The following TRIML2 variants were observed in gnomAD, a reference collection of about 807,000 sequenced individuals.
TRIML2 encodes probable E3 ubiquitin-protein ligase TRIML2.
A neutral mutation model predicts 31.2 loss-of-function variants in TRIML2; 28 were observed. The observed-to-expected ratio is 0.90, with a 90% confidence interval of 0.66 to 1.23. The LOEUF is 1.23. Among genes scored for constraint, TRIML2 ranks in the 50% most tolerant of loss-of-function variants. The pLI is 0.00. For synonymous variants in TRIML2, 187 were observed against 197.5 expected, an observed-to-expected ratio of 0.95 and a Z score of 0.45; for missense variants, 536 against 528.3, an observed-to-expected ratio of 1.01 and a Z score of -0.14.
intron 7 of TRIML2, among the ~76,000 whole-genome samples, chr4:188,095,413 T>C (rs574223605): frequency 6.6e-6 from 1 of 152,210 alleles, no homozygotes; most frequent in Admixed American, 6.5e-5. Flanking sequence ...ATAAAGAAAT[T>C]ATAAAACTCA....
At chr4:188,109,099 A>G (rs1560958644) in intron 1 of TRIML2, 144 bp downstream of exon 1, 1 of 151,922 alleles carries the variant, frequency 6.6e-6, no homozygotes, top group African/African-American at 2.4e-5. Context: ...GTCTACCCTT[A>G]TTTTGTTTTT....
At chr4:188,102,141 A>AG (rs1733824859) in intron 3 of TRIML2, among the ~76,000 whole-genome samples, 1 of 151,486 alleles carries the variant, frequency 6.6e-6, no homozygotes, top group African/African-American at 2.4e-5. Flanking sequence ...AAAAAAAAAA[A>AG]AAAAAAAAGA....
rs774942562 is a variant in TRIML2, at chr4:188,101,223, T to C, written c.313A>G (p.Ile105Val). The C allele has an allele frequency of 6.2e-7, 1 of 1,611,726 alleles. No homozygotes were observed. The highest frequency in any genetic ancestry group is 8.5e-7 in the Non-Finnish European group (1 of 1,179,560). Residue 105 changes from isoleucine (I) to valine (V), a missense_variant, in exon 4 of 8, where the codon ATT becomes GTT. Transcript: ENST00000682553. ...AGTCTCATACTATACTCAGACTCAATCATCTTTTTAAAATTTTGTTCCTCT... is the reference window on the plus strand; with the variant it reads ...AGTCTCATACTATACTCAGACTCAACCATCTTTTTAAAATTTTGTTCCTCT... Reference protein sequence around the residue: ...QEEEQNFKKMIESEYSMRLRL... With the variant: ...QEEEQNFKKMVESEYSMRLRL...
rs766720633 is a variant in TRIML2 at position 188,091,682 on chromosome 4, G to A, written c.1005C>T (p.Ser335=). The A allele has an allele frequency of 2.2e-5, 35 of 1,612,920 alleles. No individual in the cohort carries two copies. The highest frequency in any genetic ancestry group is 3.3e-4 in the Middle Eastern group (2 of 6,082). Residue 335 remains serine, a synonymous_variant, in exon 8 of 8, where the codon TCC becomes TCT. Coordinates refer to ENST00000682553, the MANE Select transcript of TRIML2 (RefSeq NM_173553.4). The part of the protein sequence containing the change: ...ADAKGSTARA[S]GEKVLLTGSV... ...ACCCCGTGAGCAAGACTTTCTCTCC[G>A]GAAGCTCTGGCCGTGCTGCCCTTCG...
Position 188,105,181 on chromosome 4 carries a change from C to T in TRIML2, c.188G>A (p.Arg63Lys). Residue 63 changes from arginine (R) to lysine (K), a missense_variant and splice_region_variant, in exon 2 of 8, where the codon AGG (arginine) becomes AAG (lysine). By Grantham distance (26) the Arg-to-Lys change is conservative (BLOSUM62 2). Coordinates refer to ENST00000682553, the MANE Select transcript of TRIML2 (RefSeq NM_173553.4). Reference protein sequence around the residue: ...CGIQEAAENYRKLFQEILNTS... With the variant: ...CGIQEAAENYKKLFQEILNTS... ...GGGATTTGCGTGAGTGACTCTTACCCTGTAATTCTCAGCAGCCTCTTGTAT... is the reference window on the plus strand; with the variant it reads ...GGGATTTGCGTGAGTGACTCTTACCTTGTAATTCTCAGCAGCCTCTTGTAT... 2 of 1,596,070 alleles carry T rather than the reference C, an allele frequency of 1.3e-6. No homozygotes were observed. Among genetic ancestry groups the T allele is most frequent in the African/African-American group, 2.7e-5 (2 of 74,764 alleles).
chr4:188,097,293 T>C, intron 6 of TRIML2, 31 bp downstream of exon 6: 1 of 1,612,910 alleles, frequency 6.2e-7, no homozygotes, highest in Non-Finnish European at 8.5e-7. Context: ...ACTCTGATTC[T>C]CACCCAATTG....
intron 5 of TRIML2, among the ~76,000 whole-genome samples, chr4:188,097,924 C>T (rs1381844909): frequency 2.0e-5 from 3 of 152,062 alleles, no homozygotes; most frequent in South Asian, 2.1e-4. Flanking sequence ...GAGTTTAAGA[C>T]CAGACTGACC....
At chr4:188,101,386 T>C (rs1161133660) in intron 3 of TRIML2, 136 bp from the exon 4 acceptor site, 2 of 486,390 alleles carry the variant, frequency 4.1e-6, no homozygotes, top group African/African-American at 2.0e-5. Flanking sequence ...ATTCTTTCCA[T>C]CTCTAACCCC....
chr4:188,099,881 A>G (rs967513506), intron 4 of TRIML2, among the ~76,000 whole-genome samples: 14 of 152,230 alleles, frequency 9.2e-5, no homozygotes, highest in African/African-American at 3.4e-4. Flanking sequence ...ACTAATAAGA[A>G]ATAAATAATT....
chr4:188,094,027 G>A (rs1733385087), intron 7 of TRIML2, among the ~76,000 whole-genome samples: 1 of 151,622 alleles, frequency 6.6e-6, no homozygotes, highest in Admixed American at 6.6e-5. Context: ...GGAGGAGGAG[G>A]TTGCGGTGAG....
chr4:188,098,972 C>T (rs1317969362), intron 5 of TRIML2, 63 bp downstream of exon 5: 12 of 1,566,238 alleles, frequency 7.7e-6, no homozygotes, highest in Non-Finnish European at 1.0e-5. Context: ...CTAATGAGTA[C>T]TGTCCACTTC....
At chr4:188,098,284 C>A (rs1733616548) in intron 5 of TRIML2, 1 of 453,914 alleles carries the variant, frequency 2.2e-6, no homozygotes, top group Non-Finnish European at 4.4e-6. Context: ...AAGGCACTGG[C>A]AGATTCAGTG....
Position 188,097,325 on chromosome 4 carries a change from T to C in TRIML2, c.643A>G (p.Arg215Gly). The C allele has an allele frequency of 6.2e-7, 1 of 1,614,034 alleles. No homozygotes were observed. Among genetic ancestry groups the C allele is most frequent in the South Asian group, 1.1e-5 (1 of 91,064 alleles). Residue 215 changes from arginine (R) to glycine (G), a missense_variant and splice_region_variant, in exon 6 of 8, where the codon AGG becomes GGG. Arg to Gly is a moderately radical substitution (Grantham distance 125, BLOSUM62 -2). Coordinates refer to ENST00000682553, the MANE Select transcript of TRIML2 (RefSeq NM_173553.4). ...ATTGTATCCAAAATGAAAACTCACCTTTCTAAAGAGTATTTTGCATTCTAA... is the reference window on the plus strand; with the variant it reads ...ATTGTATCCAAAATGAAAACTCACCCTTCTAAAGAGTATTTTGCATTCTAA... ...LLKNAKYSLE[R>G]SKSLLLEHLE...
chr4:188,100,644 C>T (rs910756440), intron 4 of TRIML2, among the ~76,000 whole-genome samples: 4 of 152,028 alleles, frequency 2.6e-5, no homozygotes, highest in Non-Finnish European at 5.9e-5. Flanking sequence ...ATGGCGTGAA[C>T]CCGGGAGGCG....
At position 188,104,865 on chromosome 4, in the gene TRIML2, TCA is replaced by T; in HGVS notation, c.255_256del (p.Asp86Ter). 6.2e-7 allele frequency: 1 copy of T among 1,614,086 alleles called. No individual in the cohort carries two copies. Among genetic ancestry groups the T allele is most frequent in the East Asian group, 2.2e-5 (1 of 44,866 alleles). ...AATCATCGCCATTCTTTCTTGCTCA[TCA>T]GTCAATATGCTTTTAGCTGCTTCAA... is the stretch of plus-strand genomic sequence containing the variant. On this transcript the variant is annotated frameshift_variant, in exon 3 of 8. Coordinates refer to ENST00000682553, the MANE Select transcript of TRIML2 (RefSeq NM_173553.4). LOFTEE classifies it high-confidence loss of function.
intron 3 of TRIML2, among the ~76,000 whole-genome samples, chr4:188,102,262 T>C (rs1166353008): frequency 2.1e-4 from 32 of 150,068 alleles, no homozygotes; most frequent in Admixed American, 2.1e-3. Context: ...TGGGTAAGAG[T>C]TGTGGGGAAA....
In TRIML2 at chr4:188,091,925, A is replaced by T; in HGVS notation, c.762T>A (p.Asp254Glu). Reference protein sequence around the residue: ...FRVLQRHLTLDPETAHPCLAL... With the variant: ...FRVLQRHLTLEPETAHPCLAL... Reference sequence around the variant, plus strand: ...CCAGGCAGGGATGAGCTGTTTCAGGATCCAATGTTAAATGTCCTATCAGGA... The same window carrying T: ...CCAGGCAGGGATGAGCTGTTTCAGGTTCCAATGTTAAATGTCCTATCAGGA... Residue 254 changes from aspartate (D) to glutamate (E), a missense_variant, in exon 8 of 8, where the codon GAT becomes GAA. By Grantham distance (45) the Asp-to-Glu change is conservative. Coordinates refer to ENST00000682553, the MANE Select transcript of TRIML2 (RefSeq NM_173553.4). 6.2e-7 allele frequency: 1 copy of T among 1,610,260 alleles called. No individual in the cohort carries two copies.
At chr4:188,098,925 T>C (rs1010473653) in intron 5 of TRIML2, 110 bp downstream of exon 5, 2 of 1,254,484 alleles carry the variant, frequency 1.6e-6, no homozygotes, top group Non-Finnish European at 1.1e-6. Flanking sequence ...TCTTTTGTGG[T>C]TGAAGATCAT....
At chr4:188,096,810 C>G (rs1733539867) in intron 7 of TRIML2, among the ~76,000 whole-genome samples, 1 of 151,820 alleles carries the variant, frequency 6.6e-6, no homozygotes, top group Non-Finnish European at 1.5e-5. Flanking sequence ...GCACACGCCA[C>G]CACAACTGGC....
Sources: allele counts gnomAD v4.1 joint callset (sites outside exome capture counted in the v4.1 genomes callset), GRCh38; gene constraint gnomAD v4.1.1; transcripts MANE v1.5; gene names NCBI Gene and HGNC (gene_info 2026-07-23, HGNC 2026-07-21).